The following ZHX2 variants were observed in gnomAD, a reference collection of about 807,000 sequenced individuals.
ZHX2 encodes zinc fingers and homeoboxes 2.
In ZHX2, 6 loss-of-function variants were observed where a neutral mutation model predicts 21.9. That is an observed-to-expected ratio of 0.27 (90% CI 0.15 to 0.54). ZHX2 has a LOEUF of 0.54. Among genes scored for constraint, ZHX2 ranks in the 20% least tolerant of loss-of-function variants. The probability of loss-of-function intolerance (pLI) is 0.95; values close to 1 mark genes in which losing one functional copy is unlikely to be tolerated. For missense variants in ZHX2, 908 were observed against 1,090.7 expected (o/e 0.83, Z 2.36); for synonymous variants, 434 against 437.1 (o/e 0.99, Z 0.09).
chr8:122,942,060 A>G (rs915873416), intron 2 of ZHX2, among the ~76,000 whole-genome samples: 2 of 152,238 alleles, frequency 1.3e-5, no homozygotes, highest in East Asian at 1.9e-4. Context: ...AACAGAAGAG[A>G]AAAATGGAGG....
At chr8:122,783,899 A>G (rs1310955831) in intron 1 of ZHX2, among the ~76,000 whole-genome samples, 1 of 152,242 alleles carries the variant, frequency 6.6e-6, no homozygotes, top group Non-Finnish European at 1.5e-5. Context: ...GTGTGGAAAT[A>G]TCATCGCTGT....
intron 2 of ZHX2, among the ~76,000 whole-genome samples, chr8:122,918,090 C>G (rs930528486): frequency 6.6e-6 from 1 of 152,206 alleles, no homozygotes; most frequent in Non-Finnish European, 1.5e-5. Context: ...TTACTGAGCT[C>G]TCACTTTGAC....
At chr8:122,825,422 C>T (rs1486285789) in intron 1 of ZHX2, among the ~76,000 whole-genome samples, 4 of 152,158 alleles carry the variant, frequency 2.6e-5, no homozygotes, top group Non-Finnish European at 2.9e-5. Context: ...GTGGGTTGTT[C>T]TGGCTGCCTT....
intron 2 of ZHX2, among the ~76,000 whole-genome samples, chr8:122,880,938 G>A (rs1357428725): frequency 2.6e-5 from 4 of 152,134 alleles, no homozygotes; most frequent in Non-Finnish European, 5.9e-5. Context: ...AGAGAACCCT[G>A]ATTTCATGTC....
At chr8:122,933,271 T>C (rs1246389631) in intron 2 of ZHX2, among the ~76,000 whole-genome samples, 2 of 152,206 alleles carry the variant, frequency 1.3e-5, no homozygotes, top group Non-Finnish European at 2.9e-5. Context: ...GAATTGTCGA[T>C]ATTATAAATC....
intron 2 of ZHX2, among the ~76,000 whole-genome samples, chr8:122,890,524 T>C (rs936621833): frequency 2.6e-5 from 4 of 152,194 alleles, no homozygotes; most frequent in African/African-American, 9.6e-5. Context: ...AGAGGTTGAA[T>C]TGAATCTGTA....
chr8:122,869,771 C>T (rs921768014), intron 2 of ZHX2, among the ~76,000 whole-genome samples: 3 of 152,194 alleles, frequency 2.0e-5, no homozygotes, highest in African/African-American at 7.2e-5. Context: ...AATCTCAGCT[C>T]CACCTTTGCT....
chr8:122,962,171 G>C (rs1813472299), intron 3 of ZHX2, among the ~76,000 whole-genome samples: 1 of 152,164 alleles, frequency 6.6e-6, no homozygotes, highest in African/African-American at 2.4e-5. Flanking sequence ...GTGGTGTTGG[G>C]TTACATGGAT....
chr8:122,799,994 A>C (rs1365653792), intron 1 of ZHX2, among the ~76,000 whole-genome samples: 1 of 151,974 alleles, frequency 6.6e-6, no homozygotes, highest in East Asian at 1.9e-4. Flanking sequence ...AGTAGCTGGG[A>C]TTACAGGCAT....
Position 122,953,175 on chromosome 8 carries a change from C to G in ZHX2, c.1665C>G (p.Thr555=), listed in dbSNP as rs145887684. The G allele has an allele frequency of 6.1e-5, 99 of 1,613,514 alleles. No homozygotes were observed. In the African/African-American group the frequency reaches 1.2e-3, roughly 20 times the overall value. The change falls in exon 3 of 4, where the codon ACC becomes ACG. Residue 555 remains threonine (T), a synonymous_variant. Coordinates refer to ENST00000314393, the MANE Select transcript of ZHX2 (RefSeq NM_014943.5). The surrounding 1 kb of genome is among the most constrained non-coding windows in gnomAD (Gnocchi z 4.6). ...GCTTTTTGAAAAGTTCTTTTCCTACCCAAGCAGAACTGGATCGGCTAAGGG... is the reference window on the plus strand; with the variant it reads ...GCTTTTTGAAAAGTTCTTTTCCTACGCAAGCAGAACTGGATCGGCTAAGGG... ...EDSFLKSSFP[T]QAELDRLRVE... is the part of the protein sequence containing the mutation.
intron 1 of ZHX2, among the ~76,000 whole-genome samples, chr8:122,813,786 G>T (rs114082117): frequency 0.012 from 1,778 of 152,194 alleles, 45 homozygotes; most frequent in African/African-American, 0.041. Context: ...CAAAAGTTTT[G>T]GATTTTAAAG....
intron 2 of ZHX2, among the ~76,000 whole-genome samples, chr8:122,877,714 G>A (rs1819603828): frequency 6.6e-6 from 1 of 152,160 alleles, no homozygotes; most frequent in South Asian, 2.1e-4. Context: ...GTGACTTGAA[G>A]GCTGATGCAT....
At chr8:122,886,719 T>C (rs73711232) in intron 2 of ZHX2, among the ~76,000 whole-genome samples, 13,041 of 152,196 alleles carry the variant, frequency 0.086, 1,272 homozygotes, top group African/African-American at 0.24. Flanking sequence ...ATCATAATAG[T>C]GAACACTTAA....
intron 1 of ZHX2, among the ~76,000 whole-genome samples, chr8:122,861,289 G>A (rs1419838812): frequency 3.9e-5 from 6 of 152,068 alleles, no homozygotes; most frequent in African/African-American, 1.2e-4. Context: ...TAATGTGCTG[G>A]GAACATTTGC....
At chr8:122,840,976 C>T (rs1818611019) in intron 1 of ZHX2, among the ~76,000 whole-genome samples, 1 of 152,184 alleles carries the variant, frequency 6.6e-6, no homozygotes. Flanking sequence ...TGCATGCCTC[C>T]GTTCATCCTC....
chr8:122,815,533 T>C (rs572763174), intron 1 of ZHX2: 119 of 156,450 alleles, frequency 7.6e-4, no homozygotes, highest in Middle Eastern at 3.2e-3. Context: ...TTGCTTCTTA[T>C]GAATAAGCAA....
At chr8:122,930,258 G>A (rs190844862) in intron 2 of ZHX2, among the ~76,000 whole-genome samples, 18 of 152,252 alleles carry the variant, frequency 1.2e-4, no homozygotes, top group Admixed American at 2.6e-4. Context: ...GCATCACCGC[G>A]GTCATTACTG....
intron 2 of ZHX2, among the ~76,000 whole-genome samples, chr8:122,867,289 C>G (rs1302251856): frequency 6.6e-6 from 1 of 152,174 alleles, no homozygotes; most frequent in Non-Finnish European, 1.5e-5. Context: ...GTCTTCAGCC[C>G]AGGGTGTTTC....
chr8:122,951,750 C>G lies in ZHX2; in HGVS notation c.240C>G (p.Cys80Trp). ...AAAAACTCCAAGGTGGTTATGAGTG[C>G]AAATACTGCCCCTACTCCACGCAAA... is the stretch of plus-strand genomic sequence containing the variant. ...QSKKLQGGYE[C>W]KYCPYSTQNL... The change falls in exon 3 of 4, where the codon TGC becomes TGG. Residue 80 changes from cysteine (C) to tryptophan (W), a missense_variant. Physicochemically the swap from Cys to Trp is radical, Grantham distance 215. Coordinates refer to ENST00000314393, the MANE Select transcript of ZHX2 (RefSeq NM_014943.5). 6.2e-7 allele frequency: 1 copy of G among 1,614,070 alleles called. No homozygotes were observed. Among genetic ancestry groups the G allele is most frequent in the South Asian group, 1.1e-5 (1 of 91,072 alleles).
Sources: allele counts gnomAD v4.1 joint callset (sites outside exome capture counted in the v4.1 genomes callset), GRCh38; gene constraint gnomAD v4.1.1; non-coding constraint Gnocchi (gnomAD v3.1); transcripts MANE v1.5; gene names NCBI Gene and HGNC (gene_info 2026-07-23, HGNC 2026-07-21).